The following VPS41 variants were observed in gnomAD, a reference collection of about 807,000 sequenced individuals.
The protein encoded by VPS41 is VPS41 subunit of HOPS complex.
In VPS41, 85 loss-of-function variants were observed where a neutral mutation model predicts 130.9. That is an observed-to-expected ratio of 0.65 (90% confidence interval 0.55 to 0.78). The LOEUF is 0.78. VPS41 is among the 30% of genes least tolerant of loss of function. The pLI, the probability that VPS41 is intolerant of heterozygous loss-of-function variation, is 0.00. For missense variants in VPS41, 874 were observed against 1,018.7 expected (o/e 0.86, Z 1.93); for synonymous variants, 335 against 332.9 (o/e 1.01, Z -0.07).
chr7:38,892,427 GC>G (rs759835269), intron 2 of VPS41, among the ~76,000 whole-genome samples: 56 of 152,086 alleles, frequency 3.7e-4, no homozygotes, highest in Non-Finnish European at 7.9e-4. Context: ...ATACCAAAGT[GC>G]CCAGCACTGT....
At chr7:38,830,110 A>G in intron 5 of VPS41, 144 bp downstream of exon 5, 1 of 671,838 alleles carries the variant, frequency 1.5e-6, no homozygotes, top group South Asian at 1.9e-5. Flanking sequence ...TTTTACTTCA[A>G]TTATGACCAA....
intron 3 of VPS41, among the ~76,000 whole-genome samples, chr7:38,863,860 T>A (rs1049299667): frequency 6.6e-6 from 1 of 152,100 alleles, no homozygotes; most frequent in Non-Finnish European, 1.5e-5. Flanking sequence ...GCTTGGGCGC[T>A]GGAAGGGAAA....
chr7:38,733,207 C>A (rs1757685372), intron 25 of VPS41, among the ~76,000 whole-genome samples: 1 of 152,214 alleles, frequency 6.6e-6, no homozygotes, highest in South Asian at 2.1e-4. Context: ...TACATTTTGA[C>A]TACCAATGTA....
intron 18 of VPS41, 99 bp downstream of exon 18, chr7:38,758,255 T>C: frequency 8.7e-7 from 1 of 1,152,338 alleles, no homozygotes; most frequent in Non-Finnish European, 1.2e-6. Flanking sequence ...GAAAATGGTA[T>C]AAAATACATC....
chr7:38,752,225 G>A lies in VPS41; in HGVS notation c.1877C>T (p.Pro626Leu). The change falls in exon 22 of 29, where the codon CCA becomes CTA. Residue 626 changes from proline (P) to leucine (L), a missense_variant. Transcript: ENST00000310301. Reference protein sequence around the residue: ...QISLYAEYDRPNLLPFLRDST... With the variant: ...QISLYAEYDRLNLLPFLRDST... ...GTCTCGGAGAAAGGGAAGTAAGTTTGGTCGATCATATTCAGCATAAAGACT... is the reference window on the plus strand; with the variant it reads ...GTCTCGGAGAAAGGGAAGTAAGTTTAGTCGATCATATTCAGCATAAAGACT... The A allele has an allele frequency of 6.2e-7, 1 of 1,614,008 alleles. No homozygotes were observed. The highest frequency in any genetic ancestry group is 8.5e-7 in the Non-Finnish European group (1 of 1,179,912).
intron 4 of VPS41, among the ~76,000 whole-genome samples, chr7:38,848,828 T>A (rs115569695): frequency 0.015 from 2,352 of 152,218 alleles, 17 homozygotes; most frequent in African/African-American, 0.022. Context: ...GAGTTTCTTC[T>A]CTAATCATTA....
chr7:38,879,806 C>T (rs781586638), intron 2 of VPS41, among the ~76,000 whole-genome samples: 25 of 151,654 alleles, frequency 1.6e-4, no homozygotes, highest in East Asian at 1.9e-4. Context: ...GCACATGGAC[C>T]GGTGGGTTGG....
chr7:38,907,219 A>T (rs1477379286), intron 1 of VPS41, among the ~76,000 whole-genome samples: 1 of 152,206 alleles, frequency 6.6e-6, no homozygotes, highest in South Asian at 2.1e-4. Flanking sequence ...CATGAAGGAA[A>T]TGAGGAAGCC....
At chr7:38,806,354 C>T (rs1784837668) in intron 7 of VPS41, among the ~76,000 whole-genome samples, 1 of 152,110 alleles carries the variant, frequency 6.6e-6, no homozygotes, top group South Asian at 2.1e-4. Context: ...GACAGCCAAA[C>T]ACTGGATATA....
intron 9 of VPS41, among the ~76,000 whole-genome samples, chr7:38,791,484 G>T (rs960549822): frequency 6.6e-6 from 1 of 152,160 alleles, no homozygotes; most frequent in Admixed American, 6.6e-5. Context: ...ATGGTGCAGT[G>T]GGGGAGACAC....
At chr7:38,749,046 T>G (rs1466097722) in intron 22 of VPS41, among the ~76,000 whole-genome samples, 3 of 152,238 alleles carry the variant, frequency 2.0e-5, no homozygotes, top group Admixed American at 1.3e-4. Context: ...TTGCTGTAGA[T>G]ATTATAAATT....
At chr7:38,892,110 T>C (rs1479398549) in intron 2 of VPS41, among the ~76,000 whole-genome samples, 5 of 152,084 alleles carry the variant, frequency 3.3e-5, no homozygotes, top group Non-Finnish European at 7.4e-5. Context: ...AATCGAAATC[T>C]GTAATATTAC....
rs1304142498 is a variant in VPS41 at position 38,846,393 on chromosome 7, T to C, written c.247-16065A>G. Among the ~76,000 whole-genome samples the C allele has an allele frequency of 4.2e-5, 3 of 70,644 alleles. No individual in the cohort carries two copies. In the African/African-American group the frequency reaches 4.4e-4, roughly 10 times the overall value. 46.3% of individuals were successfully genotyped at this position (70,644 alleles called of 152,430 possible). On this transcript the variant is annotated intron_variant, in intron 4 of 28. Transcript: ENST00000310301. The stretch of plus-strand genomic sequence containing the variant: ...AATGAATACCAAACACATACTCTTC[T>C]GCATGAGTCATCAAGGGCCATGTCA...
chr7:38,881,690 T>G (rs546078091), intron 2 of VPS41, among the ~76,000 whole-genome samples: 1 of 152,228 alleles, frequency 6.6e-6, no homozygotes, highest in Non-Finnish European at 1.5e-5. Context: ...TCCGGTTGAG[T>G]CAGGAGGCGA....
At chr7:38,836,911 TAAA>T (rs946327197) in intron 4 of VPS41, among the ~76,000 whole-genome samples, 14 of 152,202 alleles carry the variant, frequency 9.2e-5, no homozygotes, top group Admixed American at 6.5e-4. Context: ...CAAAATTACT[TAAA>T]ATATACATTA....
intron 25 of VPS41, among the ~76,000 whole-genome samples, chr7:38,739,520 C>T (rs949656391): frequency 3.3e-5 from 5 of 152,150 alleles, no homozygotes; most frequent in Admixed American, 1.3e-4. Context: ...ACACATTAAG[C>T]GGTCATTAAT....
rs761556188 is a variant in VPS41, at chr7:38,728,546, TG to T, written c.2399del (p.Pro800HisfsTer29). On this transcript the variant is annotated frameshift_variant, in exon 27 of 29. Coordinates refer to ENST00000310301, the MANE Select transcript of VPS41 (RefSeq NM_014396.4). LOFTEE classifies it high-confidence loss of function. ...ICESCLSPIL[P>X]SDAAKPFSVV... ...TTTTGGGGAAAACCTTCTTACCTGA[TG>T]GAAGAATAGGGGAAAGGCACGACTC... The T allele has an allele frequency of 1.2e-6, 2 of 1,614,134 alleles. No homozygotes were observed. The highest frequency in any genetic ancestry group is 1.7e-6 in the Non-Finnish European group (2 of 1,180,014).
chr7:38,842,853 C>T (rs1785636809), intron 4 of VPS41, among the ~76,000 whole-genome samples: 1 of 152,182 alleles, frequency 6.6e-6, no homozygotes. Context: ...CCAAGCATTC[C>T]TGTTTCAGAA....
chr7:38,754,986 G>T, intron 19 of VPS41, 50 bp from the exon 20 acceptor site: 1 of 1,565,514 alleles, frequency 6.4e-7, no homozygotes, highest in South Asian at 1.1e-5. Flanking sequence ...TATTTAAGAA[G>T]AGAAGACTAA....
Sources: allele counts gnomAD v4.1 joint callset (sites outside exome capture counted in the v4.1 genomes callset), GRCh38; gene constraint gnomAD v4.1.1; transcripts MANE v1.5; gene names NCBI Gene and HGNC (gene_info 2026-07-23, HGNC 2026-07-21).